The following NTRK2 variants were observed in gnomAD, a reference collection of about 807,000 sequenced individuals.
NTRK2 encodes BDNF/NT-3 growth factors receptor.
Under a neutral mutation model 94.5 loss-of-function variants are expected in NTRK2, and 13 were observed. That is an observed-to-expected ratio of 0.14 (90% CI 0.09 to 0.22). NTRK2 has a LOEUF of 0.22. Ranked by LOEUF, NTRK2 falls within the 10% of genes least tolerant of loss-of-function variation. NTRK2 has a pLI of 1.00. For missense variants in NTRK2, 639 were observed against 1,071.2 expected (o/e 0.60, Z 5.63); for synonymous variants, 372 against 407.4 (o/e 0.91, Z 1.05).
intron 14 of NTRK2, among the ~76,000 whole-genome samples, chr9:84,920,284 C>G (rs1751582948): frequency 1.3e-5 from 2 of 152,182 alleles, no homozygotes; most frequent in African/African-American, 4.8e-5. Flanking sequence ...AGAGAAGAGA[C>G]CTGAGTTCAA....
At chr9:84,872,297 AC>A in intron 14 of NTRK2, 1 of 1,113,818 alleles carries the variant, frequency 9.0e-7, no homozygotes, top group Non-Finnish European at 1.1e-6. Flanking sequence ...CTGAGCTGAA[AC>A]AAACAAACAG....
At position 84,877,579 on chromosome 9, in the gene NTRK2, C is replaced by A. The variant is rs897623403; in HGVS notation, c.1633+10148C>A. On this transcript the variant is annotated intron_variant, in intron 14 of 18. Coordinates refer to ENST00000277120, the MANE Select transcript of NTRK2 (RefSeq NM_006180.6). ...GCCACCTCATTGCACTGGTCTCAAC[C>A]ATTCAGCCTGCTGCTGCTGCACCAT... 1.1e-5 allele frequency: 12 copies of A among 1,066,000 alleles called. No individual in the cohort carries two copies. In the African/African-American group the frequency reaches 1.6e-4, roughly 15 times the overall value. 66.0% of individuals were successfully genotyped at this position (1,066,000 alleles called of 1,614,324 possible).
chr9:84,728,889 C>T (rs1181575132), intron 9 of NTRK2, among the ~76,000 whole-genome samples: 1 of 152,238 alleles, frequency 6.6e-6, no homozygotes, highest in Non-Finnish European at 1.5e-5. Context: ...TTCTTACCTA[C>T]TCAGTCTCAT....
At chr9:84,849,725 C>T (rs1170158371) in intron 12 of NTRK2, among the ~76,000 whole-genome samples, 1 of 152,132 alleles carries the variant, frequency 6.6e-6, no homozygotes, top group Non-Finnish European at 1.5e-5. Flanking sequence ...AGAGAAAGAA[C>T]AGGGTGCCTT....
Position 84,837,936 on chromosome 9 carries a change from A to G in NTRK2, c.1397-23104A>G, listed in dbSNP as rs572759965. On this transcript the variant is annotated intron_variant, in intron 12 of 18. Transcript: ENST00000277120. ...ATGCCTATATTATTACCATTATTTT[A>G]TCACATCCTGGAAGTTCTGGCTAAT... Among the ~76,000 whole-genome samples the G allele has an allele frequency of 8.5e-5, 13 of 152,350 alleles. 1 individual carries two copies. The South Asian group carries it at 1.4e-3, about 17-fold the overall frequency.
At chr9:84,860,922 TA>T in intron 12 of NTRK2, 117 bp from the exon 13 acceptor site, 4 of 495,378 alleles carry the variant, frequency 8.1e-6, no homozygotes, top group Non-Finnish European at 1.1e-5. Context: ...TTTATTTATT[TA>T]TTTATTTATT....
chr9:84,815,289 A>G (rs2072273048), intron 12 of NTRK2: 2 of 1,052,222 alleles, frequency 1.9e-6, no homozygotes, highest in African/African-American at 1.7e-5. Context: ...CTAACTACTG[A>G]CTATGACTGC....
intron 17 of NTRK2, among the ~76,000 whole-genome samples, chr9:85,004,177 T>A (rs979977060): frequency 5.9e-5 from 6 of 102,066 alleles, no homozygotes; most frequent in Non-Finnish European, 2.3e-5. Flanking sequence ...GGGGATGAAA[T>A]CTGAGGACAT....
At chr9:84,924,209 C>A (rs1018708371) in intron 14 of NTRK2, among the ~76,000 whole-genome samples, 1 of 138,640 alleles carries the variant, frequency 7.2e-6, no homozygotes, top group Non-Finnish European at 1.5e-5. Flanking sequence ...AGAGTGAGAC[C>A]CTGTCTCAAA....
At chr9:84,717,716 A>T (rs1323473191) in intron 6 of NTRK2, among the ~76,000 whole-genome samples, 1 of 152,252 alleles carries the variant, frequency 6.6e-6, no homozygotes, top group African/African-American at 2.4e-5. Flanking sequence ...GTACCCAATA[A>T]ATAATAGCTA....
intron 14 of NTRK2, among the ~76,000 whole-genome samples, chr9:84,882,679 T>G (rs1373211400): frequency 6.6e-6 from 1 of 151,688 alleles, no homozygotes; most frequent in Non-Finnish European, 1.5e-5. Context: ...TTTTTCACTG[T>G]GTCATCTCTT....
chr9:85,026,145 T>A lies in NTRK2; in HGVS notation c.*4708T>A, dbSNP rs1214419066. ...AAAGCAAAGCAAAAAAAAAAATATATATATATATATCTGTATATGTGTTGT... is the reference window on the plus strand; with the variant it reads ...AAAGCAAAGCAAAAAAAAAAATATAAATATATATATCTGTATATGTGTTGT... On this transcript the variant is annotated 3_prime_UTR_variant, in exon 19 of 19. Coordinates refer to ENST00000277120, the MANE Select transcript of NTRK2 (RefSeq NM_006180.6). 1.8e-5 allele frequency: 4 copies of A among 217,748 alleles called. No homozygotes were observed. The highest frequency in any genetic ancestry group is 9.2e-6 in the Non-Finnish European group (1 of 108,804). 13.5% of individuals were successfully genotyped at this position (217,748 alleles called of 1,614,324 possible). A position where few individuals can be genotyped will look rare whatever the true frequency, so the allele number is the denominator to read the frequency against.
At chr9:84,751,834 G>T in intron 11 of NTRK2, 152 bp from the exon 12 acceptor site, 1 of 686,506 alleles carries the variant, frequency 1.5e-6, no homozygotes. Flanking sequence ...GATTAAGTGA[G>T]TTGGTGTACA....
At chr9:84,877,952 C>T (rs1300259526) in intron 14 of NTRK2, 1 of 1,010,184 alleles carries the variant, frequency 9.9e-7, no homozygotes, top group African/African-American at 1.7e-5. Flanking sequence ...CTTACATAGA[C>T]TTGAGAATAT....
chr9:84,934,151 T>A lies in NTRK2; in HGVS notation c.1634-11T>A, dbSNP rs2132717712. On this transcript the variant is annotated splice_polypyrimidine_tract_variant and intron_variant, in intron 14 of 18. Transcript: ENST00000277120. ...TTCAATTCCAATTTCCATTCTGTCT[T>A]TGTTTTGCAGTTGTTCAGCACATCA... 6.2e-7 allele frequency: 1 copy of A among 1,613,738 alleles called. No individual in the cohort carries two copies. Among genetic ancestry groups the A allele is most frequent in the Non-Finnish European group, 8.5e-7 (1 of 1,179,774 alleles).
intron 12 of NTRK2, among the ~76,000 whole-genome samples, chr9:84,793,998 A>C (rs1044886375): frequency 9.9e-5 from 15 of 152,226 alleles, no homozygotes; most frequent in African/African-American, 3.4e-4. Context: ...CTTCTATGCA[A>C]AATGGAGTGG....
intron 2 of NTRK2, among the ~76,000 whole-genome samples, chr9:84,700,724 A>T (rs1410845835): frequency 6.6e-6 from 1 of 152,146 alleles, no homozygotes; most frequent in Non-Finnish European, 1.5e-5. Context: ...CCTCCCCATC[A>T]TTTAATATTT....
chr9:84,762,433 A>T (rs2065659648), intron 12 of NTRK2, among the ~76,000 whole-genome samples: 1 of 152,244 alleles, frequency 6.6e-6, no homozygotes, highest in Admixed American at 6.5e-5. Flanking sequence ...TTGAAATGAC[A>T]TGCATTCCAT....
intron 17 of NTRK2, among the ~76,000 whole-genome samples, chr9:84,984,194 C>T (rs941140757): frequency 2.6e-5 from 4 of 151,998 alleles, no homozygotes; most frequent in South Asian, 2.1e-4. Context: ...ATTTCAGGGC[C>T]GGGCATGTTG....
Sources: allele counts gnomAD v4.1 joint callset (sites outside exome capture counted in the v4.1 genomes callset), GRCh38; gene constraint gnomAD v4.1.1; transcripts MANE v1.5; gene names NCBI Gene and HGNC (gene_info 2026-07-23, HGNC 2026-07-21).